The following PAN3 variants were observed in gnomAD, a reference collection of about 807,000 sequenced individuals.
The protein encoded by PAN3 is PAN2-PAN3 deadenylation complex subunit PAN3.
In PAN3, 19 loss-of-function variants were observed where a neutral mutation model predicts 96.2. The ratio of observed to expected loss-of-function variants is 0.20; its 90% CI spans 0.14 to 0.29. PAN3 has a LOEUF of 0.29. Among genes scored for constraint, PAN3 ranks in the 10% least tolerant of loss-of-function variants. The pLI, the probability that PAN3 is intolerant of heterozygous loss-of-function variation, is 1.00. For missense variants in PAN3, 882 were observed against 1,108.1 expected, an observed-to-expected ratio of 0.80 and a Z score of 2.90; for synonymous variants, 433 against 406.6, an observed-to-expected ratio of 1.06 and a Z score of -0.78.
intron 5 of PAN3, 127 bp from the exon 6 acceptor site, chr13:28,220,104 A>G (rs1237949565): frequency 3.3e-6 from 3 of 911,612 alleles, no homozygotes; most frequent in Non-Finnish European, 4.7e-6. Context: ...GGAACCGAAA[A>G]CACTTGTTAA....
intron 6 of PAN3, among the ~76,000 whole-genome samples, chr13:28,251,320 C>T (rs1208166123): frequency 6.6e-6 from 1 of 152,184 alleles, no homozygotes; most frequent in East Asian, 1.9e-4. Flanking sequence ...GTTGTACATG[C>T]TCGTTCTTAT....
At chr13:28,194,466 A>ATATATATATATATT in intron 4 of PAN3, among the ~76,000 whole-genome samples, 1 of 122,132 alleles carries the variant, frequency 8.2e-6, no homozygotes, top group African/African-American at 3.6e-5. Context: ...ATATATATAT[A>ATATATATATATATT]TTTTTTTTTT....
At chr13:28,177,074 A>G (rs1241499874) in intron 3 of PAN3, among the ~76,000 whole-genome samples, 1 of 152,140 alleles carries the variant, frequency 6.6e-6, no homozygotes, top group Non-Finnish European at 1.5e-5. Context: ...CATTTAATAT[A>G]TTTTTTAGGA....
chr13:28,267,046 G>A (rs776889722), intron 10 of PAN3, 49 bp from the exon 11 acceptor site: 2 of 1,490,564 alleles, frequency 1.3e-6, no homozygotes, highest in African/African-American at 2.8e-5. Flanking sequence ...GATGGAATAT[G>A]AAGGAGACGT....
chr13:28,235,706 C>CAA (rs1303310986), intron 6 of PAN3, among the ~76,000 whole-genome samples: 1 of 150,344 alleles, frequency 6.7e-6, no homozygotes, highest in Non-Finnish European at 1.5e-5. Flanking sequence ...TACACACACA[C>CAA]ACACACACAC....
intron 5 of PAN3, among the ~76,000 whole-genome samples, chr13:28,212,158 G>T (rs1377264813): frequency 6.6e-6 from 1 of 152,200 alleles, no homozygotes; most frequent in Non-Finnish European, 1.5e-5. Context: ...ACAATTCTCA[G>T]ATCTATACAT....
Position 28,206,616 on chromosome 13 carries a change from G to A in PAN3, c.852+9270G>A, listed in dbSNP as rs1471354429. 3.3e-5 allele frequency among the ~76,000 whole-genome samples: 5 copies of A among 151,872 alleles called. No individual in the cohort carries two copies. In the East Asian group the frequency reaches 5.8e-4, roughly 18 times the overall value. ...GGATTACAGGCGTGAGCCACCACACGCGGCCCCTAACTGACAAAATCAACG... is the reference window on the plus strand; with the variant it reads ...GGATTACAGGCGTGAGCCACCACACACGGCCCCTAACTGACAAAATCAACG... On this transcript the variant is annotated intron_variant, in intron 5 of 18. Coordinates refer to ENST00000380958, the MANE Select transcript of PAN3 (RefSeq NM_175854.8).
At chr13:28,164,529 A>G (rs867388219) in intron 1 of PAN3, among the ~76,000 whole-genome samples, 8 of 152,218 alleles carry the variant, frequency 5.3e-5, no homozygotes, top group South Asian at 2.1e-4. Flanking sequence ...AATGTCTTCT[A>G]TGATGGAACT....
chr13:28,258,896 A>C (rs1885440148), intron 7 of PAN3, among the ~76,000 whole-genome samples: 1 of 152,310 alleles, frequency 6.6e-6, no homozygotes, highest in African/African-American at 2.4e-5. Context: ...AATGCAGTAT[A>C]AGTGCTTTGT....
chr13:28,217,253 C>G (rs2138360316), intron 5 of PAN3, among the ~76,000 whole-genome samples: 1 of 151,942 alleles, frequency 6.6e-6, no homozygotes, highest in East Asian at 1.9e-4. Flanking sequence ...GGAGAACTCA[C>G]TATATAAGAA....
chr13:28,175,655 AG>A (rs1467870800), intron 2 of PAN3, among the ~76,000 whole-genome samples: 2 of 151,974 alleles, frequency 1.3e-5, no homozygotes, highest in African/African-American at 4.8e-5. Context: ...ATGCACTCTA[AG>A]GGTTGTTTAT....
chr13:28,270,314 A>G (rs1347387801), intron 12 of PAN3, among the ~76,000 whole-genome samples: 4 of 152,230 alleles, frequency 2.6e-5, no homozygotes, highest in Non-Finnish European at 4.4e-5. Flanking sequence ...CAGCTCTCAC[A>G]TGCCTAAACA....
chr13:28,294,974 T>C lies in PAN3; in HGVS notation c.*2452T>C, dbSNP rs1219272082. 2.0e-5 allele frequency: 3 copies of C among 152,138 alleles called. No homozygotes were observed. Among genetic ancestry groups the C allele is most frequent in the African/African-American group, 7.2e-5 (3 of 41,400 alleles). The allele number at this position is 152,138 out of a possible 1,614,324, so 9.4% of individuals were successfully genotyped here. On this transcript the variant is annotated 3_prime_UTR_variant, in exon 19 of 19. Transcript: ENST00000380958. ...GTTGTCTAAAAGTCTTTTTAATTAA[T>C]AGAAAGATTTTAATATCCAAGAGTA...
intron 5 of PAN3, among the ~76,000 whole-genome samples, chr13:28,205,432 A>G (rs1879230193): frequency 6.6e-6 from 1 of 151,948 alleles, no homozygotes; most frequent in African/African-American, 2.4e-5. Context: ...CTCAACCCTT[A>G]CTCTATCACT....
chr13:28,147,926 T>C (rs1870889623), intron 1 of PAN3, among the ~76,000 whole-genome samples: 1 of 152,202 alleles, frequency 6.6e-6, no homozygotes, highest in Non-Finnish European at 1.5e-5. Context: ...ATAAAGATAC[T>C]GTTCCTATTT....
rs149662733 is a variant in PAN3 at position 28,160,847 on chromosome 13, T to A, written c.431-13425T>A. ...CTTTATGGAATTACCTCACTTTAGT[T>A]GTGGCATAATATTCTTTTCTGTACT... is the stretch of plus-strand genomic sequence containing the variant. On this transcript the variant is annotated intron_variant, in intron 1 of 18. Transcript: ENST00000380958. 1.4e-3 allele frequency among the ~76,000 whole-genome samples: 209 copies of A among 152,332 alleles called. 3 individuals are homozygous for A. The Middle Eastern group carries it at 0.02, about 15-fold the overall frequency.
At chr13:28,284,044 A>G (rs1593635915) in intron 17 of PAN3, among the ~76,000 whole-genome samples, 8 of 152,248 alleles carry the variant, frequency 5.3e-5, no homozygotes, top group Admixed American at 5.2e-4. Flanking sequence ...ATATGTAAAT[A>G]TAGGCCAATT....
intron 4 of PAN3, among the ~76,000 whole-genome samples, chr13:28,192,497 C>G (rs1877421571): frequency 6.6e-6 from 1 of 152,216 alleles, no homozygotes; most frequent in Admixed American, 6.5e-5. Flanking sequence ...TTCCCCTAAC[C>G]TATACTACAT....
intron 17 of PAN3, among the ~76,000 whole-genome samples, chr13:28,284,575 T>C (rs1290579856): frequency 6.6e-6 from 1 of 152,142 alleles, no homozygotes; most frequent in Non-Finnish European, 1.5e-5. Context: ...ATATTAAAAA[T>C]GTTTTATGTG....
Sources: allele counts gnomAD v4.1 joint callset (sites outside exome capture counted in the v4.1 genomes callset), GRCh38; gene constraint gnomAD v4.1.1; transcripts MANE v1.5; gene names NCBI Gene and HGNC (gene_info 2026-07-23, HGNC 2026-07-21).